The following GUCY1A1 variants were observed in gnomAD, a reference collection of about 807,000 sequenced individuals.
GUCY1A1 encodes guanylate cyclase 1 soluble subunit alpha 1, also known as guanylate cyclase soluble subunit alpha-1.
In GUCY1A1, 48 loss-of-function variants were observed where a neutral mutation model predicts 64.5. That is an observed-to-expected ratio of 0.74 (90% CI 0.59 to 0.95). The LOEUF is 0.95. Ranked by LOEUF, GUCY1A1 falls within the 40% of genes least tolerant of loss-of-function variation. The pLI, the probability that GUCY1A1 is intolerant of heterozygous loss-of-function variation, is 0.00. For missense variants in GUCY1A1, 804 were observed against 825.3 expected, an observed-to-expected ratio of 0.97 and a Z score of 0.32; for synonymous variants, 308 against 303.4, an observed-to-expected ratio of 1.02 and a Z score of -0.16.
intron 2 of GUCY1A1, 23 bp downstream of exon 2, chr4:155,667,442 C>T (rs1297027325): frequency 6.6e-6 from 1 of 152,310 alleles, no homozygotes; most frequent in Non-Finnish European, 1.5e-5. Context: ...TGCATCCCCA[C>T]GCGGGTCGGG....
At chr4:155,691,072 G>T (rs1729675349) in intron 2 of GUCY1A1, among the ~76,000 whole-genome samples, 1 of 152,164 alleles carries the variant, frequency 6.6e-6, no homozygotes, top group African/African-American at 2.4e-5. Flanking sequence ...CTTGAGCTTT[G>T]ACTTTTAGGC....
rs560491519 is a variant in GUCY1A1 at position 155,732,014 on chromosome 4, A to G, written c.*1783A>G. 1 of 151,528 alleles carries G rather than the reference A, an allele frequency of 6.6e-6. No individual in the cohort carries two copies. Among genetic ancestry groups the G allele is most frequent in the South Asian group, 2.1e-4 (1 of 4,788 alleles). The allele number at this position is 151,528 out of a possible 1,614,324, so 9.4% of individuals were successfully genotyped here. A position where few individuals can be genotyped will look rare whatever the true frequency, so the allele number is the denominator to read the frequency against. On this transcript the variant is annotated 3_prime_UTR_variant, in exon 10 of 10. Transcript: ENST00000506455. ...AAGTTAAGTCACTACTTACAAGGAA[A>G]AAAAATGTAAATACATTTTTCTTTC...
chr4:155,714,687 T>C (rs968013332), intron 7 of GUCY1A1, among the ~76,000 whole-genome samples: 2 of 152,204 alleles, frequency 1.3e-5, no homozygotes, highest in Non-Finnish European at 2.9e-5. Context: ...AAACGAATAT[T>C]ATTCATGATA....
rs774513220 is a variant in GUCY1A1 at position 155,730,038 on chromosome 4, A to T, written c.1880A>T (p.Lys627Ile). Reference protein sequence around the residue: ...NVSPTTYRLLKDCPGFVFTPR... With the variant: ...NVSPTTYRLLIDCPGFVFTPR... ...TATTTTAATATTTTCAGATTACTCAAAGACTGTCCTGGTTTCGTGTTTACC... is the reference window on the plus strand; with the variant it reads ...TATTTTAATATTTTCAGATTACTCATAGACTGTCCTGGTTTCGTGTTTACC... The change falls in exon 10 of 10, where the codon AAA (lysine) becomes ATA (isoleucine). Residue 627 changes from lysine (K) to isoleucine (I), a missense_variant. Lys to Ile is a moderately radical substitution (Grantham distance 102). Coordinates refer to ENST00000506455, the MANE Select transcript of GUCY1A1 (RefSeq NM_001130682.3). 3.8e-6 allele frequency: 6 copies of T among 1,596,724 alleles called. No homozygotes were observed. The highest frequency in any genetic ancestry group is 5.1e-6 in the Non-Finnish European group (6 of 1,165,050).
chr4:155,719,783 T>C (rs1258983116), intron 8 of GUCY1A1, among the ~76,000 whole-genome samples: 1 of 152,056 alleles, frequency 6.6e-6, no homozygotes, highest in Non-Finnish European at 1.5e-5. Context: ...GGAAGCAAAC[T>C]TCTAGTACCC....
Position 155,713,175 on chromosome 4 carries a change from C to T in GUCY1A1, c.1164C>T (p.Asp388=). ...TGTTTTTGGGGTCACCCTGTGTGGA[C>T]AGATTAGAAGATTTTACAGGACGAG... ...AILFLGSPCV[D]RLEDFTGRGL... is the part of the protein sequence containing the mutation. The change falls in exon 7 of 10, where the codon GAC becomes GAT. Residue 388 remains aspartate, a synonymous_variant. Coordinates refer to ENST00000506455, the MANE Select transcript of GUCY1A1 (RefSeq NM_001130682.3). 1 of 1,613,798 alleles carries T rather than the reference C, an allele frequency of 6.2e-7. No homozygotes were observed. Among genetic ancestry groups the T allele is most frequent in the Non-Finnish European group, 8.5e-7 (1 of 1,179,768 alleles).
chr4:155,722,933 T>C (rs1734159210), intron 9 of GUCY1A1, among the ~76,000 whole-genome samples: 2 of 151,984 alleles, frequency 1.3e-5, no homozygotes, highest in South Asian at 4.1e-4. Context: ...GTCTTATTGT[T>C]TTCATTATGT....
chr4:155,704,538 G>A (rs1383805411), intron 4 of GUCY1A1, among the ~76,000 whole-genome samples: 1 of 139,808 alleles, frequency 7.2e-6, no homozygotes, highest in Non-Finnish European at 1.6e-5. Context: ...TAAGAGGAGG[G>A]GGACTCAGGG....
Position 155,710,975 on chromosome 4 carries a change from A to G in GUCY1A1, c.810A>G (p.Lys270=), listed in dbSNP as rs894794502. The stretch of plus-strand genomic sequence containing the variant: ...CCAAGCCATCCCTGTCCCCCAGCAA[A>G]CCCCAGTCCTCGCTGGTGATTCCCA... The part of the protein sequence containing the change: ...KSTKPSLSPS[K]PQSSLVIPTS... The change falls in exon 6 of 10, where the codon AAA becomes AAG. Residue 270 remains lysine (K), a synonymous_variant. Transcript: ENST00000506455. 1 of 1,612,896 alleles carries G rather than the reference A, an allele frequency of 6.2e-7. No individual in the cohort carries two copies. The highest frequency in any genetic ancestry group is 2.2e-5 in the East Asian group (1 of 44,832).
At chr4:155,678,400 A>G (rs1735251742) in intron 2 of GUCY1A1, among the ~76,000 whole-genome samples, 1 of 152,188 alleles carries the variant, frequency 6.6e-6, no homozygotes. Flanking sequence ...GTAAACATAA[A>G]GGTTTTTACA....
chr4:155,728,080 G>A (rs1224384737), intron 9 of GUCY1A1, among the ~76,000 whole-genome samples: 1 of 151,888 alleles, frequency 6.6e-6, no homozygotes, highest in Admixed American at 6.6e-5. Context: ...GATTCCCAGT[G>A]AACATATCCA....
At chr4:155,712,717 A>AGGAAGAAAGAAAGGACACATTTTC (rs1317018822) in intron 6 of GUCY1A1, among the ~76,000 whole-genome samples, 23 of 152,314 alleles carry the variant, frequency 1.5e-4, no homozygotes, top group Non-Finnish European at 2.9e-4. Context: ...GGAGGGAAGA[A>AGGAAGAAAGAAAGGACACATTTTC]GGAAGAAAGA....
At position 155,730,098 on chromosome 4, in the gene GUCY1A1, C is replaced by G. The variant is rs907946615; in HGVS notation, c.1940C>G (p.Pro647Arg). Residue 647 changes from proline (P) to arginine (R), a missense_variant, in exon 10 of 10, where the codon CCT (proline) becomes CGT (arginine). Pro to Arg is a moderately radical substitution (Grantham distance 103). Transcript: ENST00000506455. The part of the protein sequence containing the change: ...RSREELPPNF[P>R]SEIPGICHFL... Reference sequence around the variant, plus strand: ...AGGGAGGAACTTCCACCAAACTTCCCTAGTGAAATCCCCGGAATCTGCCAT... The same window carrying G: ...AGGGAGGAACTTCCACCAAACTTCCGTAGTGAAATCCCCGGAATCTGCCAT... 5 of 1,610,974 alleles carry G rather than the reference C, an allele frequency of 3.1e-6. No homozygotes were observed. In the African/African-American group the frequency reaches 5.4e-5, roughly 17 times the overall value.
chr4:155,685,988 A>G (rs17033354), intron 2 of GUCY1A1, among the ~76,000 whole-genome samples: 2,684 of 152,262 alleles, frequency 0.018, 74 homozygotes, highest in African/African-American at 0.06. Flanking sequence ...AGGTAATTCA[A>G]GTGTTCCACA....
chr4:155,676,526 A>C (rs990742487), intron 2 of GUCY1A1, among the ~76,000 whole-genome samples: 1 of 151,498 alleles, frequency 6.6e-6, no homozygotes, highest in Non-Finnish European at 1.5e-5. Flanking sequence ...GTACACAGTG[A>C]AAAGGTATTT....
intron 8 of GUCY1A1, 24 bp downstream of exon 8, chr4:155,717,326 A>ATACTATAAAT (rs769121822): frequency 6.6e-7 from 1 of 1,504,770 alleles, no homozygotes; most frequent in East Asian, 2.4e-5. Context: ...TATATTGTCC[A>ATACTATAAAT]AAAGATGTCA....
At chr4:155,676,334 C>T (rs1207825347) in intron 2 of GUCY1A1, among the ~76,000 whole-genome samples, 1 of 144,718 alleles carries the variant, frequency 6.9e-6, no homozygotes, top group Non-Finnish European at 1.5e-5. Flanking sequence ...ATTTTGTTGC[C>T]TATTAGTTTT....
intron 2 of GUCY1A1, among the ~76,000 whole-genome samples, chr4:155,679,151 A>G (rs941511665): frequency 6.7e-6 from 1 of 149,716 alleles, no homozygotes; most frequent in Non-Finnish European, 1.5e-5. Flanking sequence ...ATTTTGATGA[A>G]GTCCACTTTA....
chr4:155,710,679 C>T lies in GUCY1A1; in HGVS notation c.514C>T (p.Gln172Ter). ...FLNSFSTLLKQSSHCQEAGKR... is the reference protein window; with the variant it reads ...FLNSFSTLLK Reference sequence around the variant, plus strand: ...AAACAGCTTCAGTACCCTTCTGAAACAGAGCAGCCATTGCCAAGAAGCAGG... The same window carrying T: ...AAACAGCTTCAGTACCCTTCTGAAATAGAGCAGCCATTGCCAAGAAGCAGG... Residue 172 changes from glutamine (Q) to a stop codon, truncating the protein, a stop_gained, in exon 6 of 10, where the codon CAG (glutamine) becomes TAG (stop). Transcript: ENST00000506455. LOFTEE classifies it high-confidence loss of function. 2 of 1,613,988 alleles carry T rather than the reference C, an allele frequency of 1.2e-6. No individual in the cohort carries two copies. Among genetic ancestry groups the T allele is most frequent in the Non-Finnish European group, 1.7e-6 (2 of 1,179,950 alleles).
Sources: allele counts gnomAD v4.1 joint callset (sites outside exome capture counted in the v4.1 genomes callset), GRCh38; gene constraint gnomAD v4.1.1; transcripts MANE v1.5; gene names NCBI Gene and HGNC (gene_info 2026-07-23, HGNC 2026-07-21).